EXT2: variants seen among roughly 807,000 people sequenced by gnomAD.
The protein encoded by EXT2 is exostosin-2.
In EXT2, 53 loss-of-function variants were observed where a neutral mutation model predicts 81.6. The observed-to-expected ratio is 0.65, with a 90% CI of 0.52 to 0.82. EXT2 has a LOEUF of 0.82. Among genes scored for constraint, EXT2 ranks in the 40% least tolerant of loss-of-function variants. The pLI is 0.00. For missense variants in EXT2, 774 were observed against 910.2 expected (o/e 0.85, Z 1.93); for synonymous variants, 320 against 340.0 (o/e 0.94, Z 0.65).
intron 4 of EXT2, 60 bp from the exon 5 acceptor site, chr11:44,124,729 T>A: frequency 1.4e-6 from 2 of 1,476,738 alleles, no homozygotes; most frequent in Non-Finnish European, 1.9e-6. Context: ...TCAAAGTTTG[T>A]CTTACCTTGA....
intron 8 of EXT2, among the ~76,000 whole-genome samples, chr11:44,174,172 G>A (rs373459602): frequency 6.6e-6 from 1 of 152,148 alleles, no homozygotes; most frequent in Admixed American, 6.5e-5. Context: ...TGATATCTTT[G>A]TCGAGTTTTC....
chr11:44,186,038 A>G (rs1295603222), intron 8 of EXT2, among the ~76,000 whole-genome samples: 1 of 152,240 alleles, frequency 6.6e-6, no homozygotes, highest in Non-Finnish European at 1.5e-5. Flanking sequence ...TTTGAATCAG[A>G]TAAGTCACTA....
intron 10 of EXT2, among the ~76,000 whole-genome samples, chr11:44,210,876 G>A (rs1329537234): frequency 6.6e-6 from 1 of 152,148 alleles, no homozygotes; most frequent in African/African-American, 2.4e-5. Flanking sequence ...TTGTTACCAT[G>A]TAAATTCTTC....
intron 7 of EXT2, 87 bp from the exon 8 acceptor site, chr11:44,171,524 C>T: frequency 1.2e-6 from 2 of 1,600,028 alleles, no homozygotes; most frequent in Non-Finnish European, 8.5e-7. Context: ...AAGGAATTAG[C>T]CTAACCTGGA....
chr11:44,164,876 CTTTT>C (rs372890914), intron 7 of EXT2, among the ~76,000 whole-genome samples: 1 of 137,536 alleles, frequency 7.3e-6, no homozygotes, highest in African/African-American at 2.7e-5. Flanking sequence ...CTCATTCACA[CTTTT>C]TTTTTTTTTT....
chr11:44,118,514 A>G (rs1326236985), intron 4 of EXT2, among the ~76,000 whole-genome samples: 1 of 152,150 alleles, frequency 6.6e-6, no homozygotes, highest in Non-Finnish European at 1.5e-5. Context: ...TATGATTTAC[A>G]TTTTTAGTGT....
chr11:44,135,802 T>C (rs1954558262), intron 7 of EXT2, among the ~76,000 whole-genome samples: 1 of 152,246 alleles, frequency 6.6e-6, no homozygotes, highest in Non-Finnish European at 1.5e-5. Flanking sequence ...GCAGAATTCC[T>C]CAGTTCAGAG....
chr11:44,146,601 T>C (rs1000002649), intron 7 of EXT2, among the ~76,000 whole-genome samples: 1 of 152,172 alleles, frequency 6.6e-6, no homozygotes, highest in South Asian at 2.1e-4. Flanking sequence ...CAACTCAGAA[T>C]TTGTGAGGCG....
At chr11:44,211,322 C>G (rs1348777184) in intron 10 of EXT2, among the ~76,000 whole-genome samples, 1 of 152,188 alleles carries the variant, frequency 6.6e-6, no homozygotes, top group Non-Finnish European at 1.5e-5. Context: ...GAGATAGCTG[C>G]ACTCTCATAT....
At chr11:44,172,188 AAAT>A (rs1359815058) in intron 8 of EXT2, among the ~76,000 whole-genome samples, 2 of 152,220 alleles carry the variant, frequency 1.3e-5, no homozygotes, top group African/African-American at 4.8e-5. Context: ...TCTGTGAGGA[AAAT>A]AATAAGCAGA....
rs181541420 is a variant in EXT2, at chr11:44,174,414, A to G, written c.1305+2672A>G. Among the ~76,000 whole-genome samples, 1,302 of 151,590 alleles carry G rather than the reference A, an allele frequency of 8.6e-3. 24 individuals carry two copies. Among genetic ancestry groups the G allele is most frequent in the African/African-American group, 0.029 (1,211 of 41,454 alleles). ...CTTTCTGGTAGAATTTACATTTTATATATATATATATATTTGTGTACATAT... is the reference window on the plus strand; with the variant it reads ...CTTTCTGGTAGAATTTACATTTTATGTATATATATATATTTGTGTACATAT... On this transcript the variant is annotated intron_variant, in intron 8 of 13. Transcript: ENST00000533608.
At chr11:44,201,119 G>A (rs1040477666) in intron 9 of EXT2, among the ~76,000 whole-genome samples, 1 of 152,140 alleles carries the variant, frequency 6.6e-6, no homozygotes. Flanking sequence ...TCTGTTATAG[G>A]TTCACAGGAT....
chr11:44,100,647 A>G (rs1186417866), intron 1 of EXT2, among the ~76,000 whole-genome samples: 2 of 152,194 alleles, frequency 1.3e-5, no homozygotes, highest in African/African-American at 4.8e-5. Context: ...AGAAGGCTCT[A>G]TGGCCGCATC....
At chr11:44,113,985 G>A (rs1343030454) in intron 3 of EXT2, among the ~76,000 whole-genome samples, 200 bp from the exon 4 acceptor site, 1 of 152,026 alleles carries the variant, frequency 6.6e-6, no homozygotes, top group African/African-American at 2.4e-5. Flanking sequence ...GGACCCCGGG[G>A]GAAGGCTGGT....
intron 10 of EXT2, among the ~76,000 whole-genome samples, chr11:44,223,651 CTTT>C (rs869143629): frequency 3.6e-5 from 5 of 138,720 alleles, no homozygotes; most frequent in Non-Finnish European, 4.7e-5. Flanking sequence ...AGTTGTGTGT[CTTT>C]TTTTTTTTTT....
At chr11:44,124,331 C>A (rs1209438319) in intron 4 of EXT2, among the ~76,000 whole-genome samples, 1 of 152,050 alleles carries the variant, frequency 6.6e-6, no homozygotes, top group Non-Finnish European at 1.5e-5. Context: ...CATCAAGCTT[C>A]CCTCTTTCCC....
At chr11:44,174,000 TA>T (rs1955119540) in intron 8 of EXT2, among the ~76,000 whole-genome samples, 2 of 152,356 alleles carry the variant, frequency 1.3e-5, no homozygotes, top group African/African-American at 4.8e-5. Context: ...TGTTGATAGA[TA>T]TTAACAAATT....
rs542204878 is a variant in EXT2, at chr11:44,188,213, A to G, written c.1306-9616A>G. On this transcript the variant is annotated intron_variant, in intron 8 of 13. Coordinates refer to ENST00000533608, the MANE Select transcript of EXT2 (RefSeq NM_207122.2). ...TATCCTGGGAGGTGAGTGGGAGCCA[A>G]AATCAGCTTTTGCCATGGAGACTTT... 1.7e-4 allele frequency among the ~76,000 whole-genome samples: 26 copies of G among 152,340 alleles called. No individual in the cohort carries two copies. In the South Asian group the frequency reaches 4.4e-3, roughly 26 times the overall value.
At chr11:44,186,730 C>T (rs980074256) in intron 8 of EXT2, among the ~76,000 whole-genome samples, 3 of 152,286 alleles carry the variant, frequency 2.0e-5, no homozygotes, top group Admixed American at 2.0e-4. Context: ...CGTTTCAATC[C>T]CTTTTTTCTT....
Sources: allele counts gnomAD v4.1 joint callset (sites outside exome capture counted in the v4.1 genomes callset), GRCh38; gene constraint gnomAD v4.1.1; transcripts MANE v1.5; gene names NCBI Gene and HGNC (gene_info 2026-07-23, HGNC 2026-07-21).